Variants in PDZRN4 observed in about 807,000 individuals in gnomAD.
The protein encoded by PDZRN4 is PDZ domain containing ring finger 4.
PDZRN4 carries 70 observed loss-of-function variants against 99.0 expected under a neutral mutation model. The ratio of observed to expected loss-of-function variants is 0.71; its 90% CI spans 0.58 to 0.86. PDZRN4 has a LOEUF of 0.86. Among genes scored for constraint, PDZRN4 ranks in the 40% least tolerant of loss-of-function variants. The probability of loss-of-function intolerance (pLI) is 0.00; values close to 1 mark genes in which losing one functional copy is unlikely to be tolerated. For synonymous variants in PDZRN4, 551 were observed against 501.6 expected (o/e 1.10, Z -1.32); for missense variants, 1,474 against 1,331.2 (o/e 1.11, Z -1.67).
intron 3 of PDZRN4, among the ~76,000 whole-genome samples, chr12:41,355,092 C>G (rs1042186807): frequency 1.3e-5 from 2 of 152,012 alleles, no homozygotes; most frequent in Non-Finnish European, 1.5e-5. Flanking sequence ...CTCTGTTGTC[C>G]TCTGCTTTCT....
Position 41,455,497 on chromosome 12 carries a change from A to G in PDZRN4, c.844-50959A>G, listed in dbSNP as rs192680006. Reference sequence around the variant, plus strand: ...CCAGAACTCAAAAAAATTGTCATCAAGTGGGGCGTTCTGAGAAAATCAGTT... The same window carrying G: ...CCAGAACTCAAAAAAATTGTCATCAGGTGGGGCGTTCTGAGAAAATCAGTT... On this transcript the variant is annotated intron_variant, in intron 3 of 9. Transcript: ENST00000402685. Among the ~76,000 whole-genome samples the G allele has an allele frequency of 5.7e-4, 87 of 152,338 alleles. 1 individual carries two copies. The highest frequency in any genetic ancestry group is 1.5e-3 in the African/African-American group (64 of 41,584).
intron 3 of PDZRN4, among the ~76,000 whole-genome samples, chr12:41,488,272 T>C (rs1250024364): frequency 2.6e-5 from 4 of 152,112 alleles, no homozygotes; most frequent in African/African-American, 7.2e-5. Flanking sequence ...TCTCGAACAG[T>C]TTTCAGTGCA....
chr12:41,340,897 A>G (rs928843735), intron 3 of PDZRN4, among the ~76,000 whole-genome samples: 1 of 151,836 alleles, frequency 6.6e-6, no homozygotes, highest in African/African-American at 2.4e-5. Context: ...CCAAAACCAG[A>G]CAAGGACACA....
At chr12:41,555,052 CAAAAAAAAA>C (rs67810817) in intron 6 of PDZRN4, among the ~76,000 whole-genome samples, 35 of 113,534 alleles carry the variant, frequency 3.1e-4, no homozygotes, top group East Asian at 1.4e-3. Context: ...ACTAAAAATA[CAAAAAAAAA>C]AAAAAAAAAA....
At chr12:41,569,942 G>A (rs1057195517) in intron 9 of PDZRN4, among the ~76,000 whole-genome samples, 2 of 152,078 alleles carry the variant, frequency 1.3e-5, no homozygotes, top group African/African-American at 4.8e-5. Context: ...ATTTTTGGTG[G>A]CAGCTGCTGG....
chr12:41,401,641 C>T (rs1952289524), intron 3 of PDZRN4, among the ~76,000 whole-genome samples: 1 of 152,128 alleles, frequency 6.6e-6, no homozygotes, highest in Non-Finnish European at 1.5e-5. Flanking sequence ...CAAATGCTTC[C>T]ATACTTTATC....
At chr12:41,318,854 C>A (rs545958555) in intron 3 of PDZRN4, among the ~76,000 whole-genome samples, 1 of 152,086 alleles carries the variant, frequency 6.6e-6, no homozygotes, top group Non-Finnish European at 1.5e-5. Flanking sequence ...TATTACCTCT[C>A]TGAATCTTAT....
Position 41,552,642 on chromosome 12 carries a change from T to C in PDZRN4, c.1204-14T>C, listed in dbSNP as rs754088982. Reference sequence around the variant, plus strand: ...CTCTGACATAAATGTCATCTGTGTGTGTTGTTCTTTCAGGAGGTCGAGTTG... The same window carrying C: ...CTCTGACATAAATGTCATCTGTGTGCGTTGTTCTTTCAGGAGGTCGAGTTG... On this transcript the variant is annotated splice_polypyrimidine_tract_variant and intron_variant, in intron 5 of 9. Transcript: ENST00000402685. 4 of 1,593,310 alleles carry C rather than the reference T, an allele frequency of 2.5e-6. No individual in the cohort carries two copies. The African/African-American group carries it at 4.0e-5, about 16-fold the overall frequency.
intron 5 of PDZRN4, among the ~76,000 whole-genome samples, chr12:41,542,228 G>T (rs36020206): frequency 7.9e-4 from 121 of 152,258 alleles, no homozygotes; most frequent in Non-Finnish European, 1.4e-3. Flanking sequence ...TGAGAGTGGA[G>T]ATGCAATCAA....
intron 3 of PDZRN4, among the ~76,000 whole-genome samples, chr12:41,422,380 T>C (rs988976151): frequency 6.6e-6 from 1 of 152,208 alleles, no homozygotes; most frequent in Non-Finnish European, 1.5e-5. Flanking sequence ...TCAGTAAATT[T>C]GTGTTGGTTA....
intron 5 of PDZRN4, among the ~76,000 whole-genome samples, chr12:41,548,692 TAAGCAGTGTC>T (rs1287123992): frequency 6.6e-6 from 1 of 152,206 alleles, no homozygotes; most frequent in East Asian, 1.9e-4. Context: ...CAATGCTTTT[TAAGCAGTGTC>T]AACTCTTGTT....
intron 3 of PDZRN4, among the ~76,000 whole-genome samples, chr12:41,219,393 A>C (rs971941231): frequency 1.3e-5 from 2 of 152,132 alleles, no homozygotes; most frequent in Non-Finnish European, 2.9e-5. Flanking sequence ...TATTTACTGC[A>C]AATATTATCT....
intron 3 of PDZRN4, among the ~76,000 whole-genome samples, chr12:41,302,574 T>C (rs1016684809): frequency 2.6e-5 from 4 of 152,122 alleles, no homozygotes; most frequent in Non-Finnish European, 5.9e-5. Context: ...AATTGTTCTC[T>C]AGGGAGTGGG....
intron 3 of PDZRN4, among the ~76,000 whole-genome samples, chr12:41,412,830 C>T (rs911037434): frequency 1.3e-5 from 2 of 152,144 alleles, no homozygotes; most frequent in Non-Finnish European, 2.9e-5. Context: ...TGGCTCATGC[C>T]TGTAATCCCA....
intron 5 of PDZRN4, among the ~76,000 whole-genome samples, chr12:41,519,861 A>C (rs2120711004): frequency 6.6e-6 from 1 of 152,178 alleles, no homozygotes; most frequent in Non-Finnish European, 1.5e-5. Context: ...CTCCCCTGAC[A>C]TTCCAGTTTG....
At chr12:41,497,720 T>C (rs1938034301) in intron 3 of PDZRN4, among the ~76,000 whole-genome samples, 1 of 152,120 alleles carries the variant, frequency 6.6e-6, no homozygotes, top group South Asian at 2.1e-4. Context: ...GTAGATGAAT[T>C]ATTATGACAA....
At chr12:41,456,414 C>T (rs1157707568) in intron 3 of PDZRN4, among the ~76,000 whole-genome samples, 1 of 152,000 alleles carries the variant, frequency 6.6e-6, no homozygotes, top group Non-Finnish European at 1.5e-5. Flanking sequence ...TTCCAGAAAT[C>T]CAGTGACCTA....
At chr12:41,211,124 T>C (rs1000313476) in intron 3 of PDZRN4, among the ~76,000 whole-genome samples, 11 of 152,000 alleles carry the variant, frequency 7.2e-5, no homozygotes, top group Non-Finnish European at 1.6e-4. Flanking sequence ...AGATAAGTTA[T>C]TTCATTGCCA....
At chr12:41,201,687 C>T (rs2120665601) in intron 3 of PDZRN4, among the ~76,000 whole-genome samples, 1 of 151,978 alleles carries the variant, frequency 6.6e-6, no homozygotes, top group South Asian at 2.1e-4. Context: ...TTGGGCAGTC[C>T]CCAAAGGCTC....
Sources: gnomAD v4.1 joint callset for allele counts (sites outside exome capture counted in the v4.1 genomes callset) on GRCh38, gnomAD v4.1.1 for gene constraint, MANE v1.5 for transcripts, NCBI Gene and HGNC (gene_info 2026-07-23, HGNC 2026-07-21) for gene names.